Variants in RCL1 observed in about 807,000 individuals in gnomAD.
RCL1 encodes the protein RNA terminal phosphate cyclase like 1, also known as RNA 3'-terminal phosphate cyclase-like protein.
RCL1 carries 24 observed loss-of-function variants against 42.4 expected under a neutral mutation model. That is an observed-to-expected ratio of 0.57 (90% CI 0.41 to 0.80). The LOEUF (loss-of-function observed/expected upper bound fraction) is 0.80. RCL1 is among the 30% of genes least tolerant of loss of function. The probability of loss-of-function intolerance (pLI) is 0.00; values close to 1 mark genes in which losing one functional copy is unlikely to be tolerated. For missense variants in RCL1, 578 were observed against 467.9 expected (o/e 1.24, Z -2.17); for synonymous variants, 228 against 177.3 (o/e 1.29, Z -2.27).
chr9:4,793,089 C>G lies in RCL1; in HGVS notation c.-3C>G, dbSNP rs2130955885. On this transcript the variant is annotated 5_prime_UTR_variant, in exon 1 of 9. Coordinates refer to ENST00000381750, the MANE Select transcript of RCL1 (RefSeq NM_005772.5). ...TGCTCACGTCTCTTCGGAGAGCGCG[C>G]ACATGGCGACTCAGGCGCACTCCCT... 6.2e-7 allele frequency: 1 copy of G among 1,608,374 alleles called. No homozygotes were observed. Among genetic ancestry groups the G allele is most frequent in the Non-Finnish European group, 8.5e-7 (1 of 1,177,658 alleles).
At chr9:4,795,645 A>G (rs534844391) in intron 1 of RCL1, among the ~76,000 whole-genome samples, 1 of 152,292 alleles carries the variant, frequency 6.6e-6, no homozygotes, top group East Asian at 1.9e-4. Flanking sequence ...AGAGTTGGAA[A>G]AAACTCAGAG....
chr9:4,797,747 G>T (rs187377503), intron 1 of RCL1, among the ~76,000 whole-genome samples: 71 of 152,212 alleles, frequency 4.7e-4, no homozygotes, highest in Non-Finnish European at 2.8e-4. Flanking sequence ...ACACCAAGAA[G>T]ACTACACAAG....
intron 1 of RCL1, among the ~76,000 whole-genome samples, chr9:4,811,935 T>A (rs575647613): frequency 6.6e-6 from 1 of 152,244 alleles, no homozygotes; most frequent in Non-Finnish European, 1.5e-5. Flanking sequence ...TGATTTGCAT[T>A]TCCCTGATAA....
chr9:4,819,807 A>T (rs1816527912), intron 1 of RCL1, among the ~76,000 whole-genome samples: 1 of 152,206 alleles, frequency 6.6e-6, no homozygotes, highest in Non-Finnish European at 1.5e-5. Flanking sequence ...CTCCGTCTCA[A>T]AAACAAAACA....
At chr9:4,853,620 C>T (rs972259738) in intron 8 of RCL1, among the ~76,000 whole-genome samples, 3 of 152,166 alleles carry the variant, frequency 2.0e-5, no homozygotes, top group Non-Finnish European at 2.9e-5. Context: ...CGTGCCCGGC[C>T]AACCCATTGT....
chr9:4,816,766 C>G (rs1295334052), intron 1 of RCL1, among the ~76,000 whole-genome samples: 1 of 152,116 alleles, frequency 6.6e-6, no homozygotes, highest in Non-Finnish European at 1.5e-5. Flanking sequence ...CTTAACTATA[C>G]TACAATAGCC....
intron 1 of RCL1, among the ~76,000 whole-genome samples, chr9:4,811,602 C>G (rs1816178880): frequency 6.6e-6 from 1 of 152,136 alleles, no homozygotes; most frequent in Non-Finnish European, 1.5e-5. Context: ...GAATTTCGTT[C>G]TTTTTTATAG....
intron 3 of RCL1, among the ~76,000 whole-genome samples, chr9:4,832,284 G>A (rs1165727329): frequency 3.9e-5 from 6 of 152,122 alleles, no homozygotes; most frequent in Admixed American, 3.9e-4. Flanking sequence ...GCTGCTTCCT[G>A]TAGTTTGAGG....
In RCL1 at chr9:4,841,072, A is replaced by T. The variant is rs1041643481; in HGVS notation, c.585-160A>T. 2.0e-5 allele frequency: 14 copies of T among 702,828 alleles called. No homozygotes were observed. In the African/African-American group the frequency reaches 2.3e-4, roughly 12 times the overall value. The allele number at this position is 702,828 out of a possible 1,614,324, so 43.5% of individuals were successfully genotyped here. A position where few individuals can be genotyped will look rare whatever the true frequency, so the allele number is the denominator to read the frequency against. Reference sequence around the variant, plus strand: ...CATGACCTTTTATAATAATGAAAAAAATTTAATTATGGTACTAATTCAGTA... The same window carrying T: ...CATGACCTTTTATAATAATGAAAAATATTTAATTATGGTACTAATTCAGTA... On this transcript the variant is annotated intron_variant, in intron 5 of 8. Transcript: ENST00000381750.
intron 1 of RCL1, among the ~76,000 whole-genome samples, chr9:4,821,126 G>C (rs537767473): frequency 6.6e-6 from 1 of 152,326 alleles, no homozygotes; most frequent in Non-Finnish European, 1.5e-5. Context: ...GTGTGGCTAA[G>C]AGTGTGGAAC....
At chr9:4,846,176 C>T (rs1337273145) in intron 7 of RCL1, among the ~76,000 whole-genome samples, 1 of 152,074 alleles carries the variant, frequency 6.6e-6, no homozygotes, top group Non-Finnish European at 1.5e-5. Context: ...CTCATTGGTC[C>T]AAGATGGAAC....
chr9:4,850,177 T>C (rs1364183042), intron 8 of RCL1: 14 of 408,792 alleles, frequency 3.4e-5, no homozygotes, highest in African/African-American at 2.6e-4. Context: ...AACAGCCTAT[T>C]TGAGTACTGA....
intron 7 of RCL1, among the ~76,000 whole-genome samples, chr9:4,845,024 C>T (rs746527414): frequency 1.3e-4 from 20 of 152,256 alleles, no homozygotes; most frequent in East Asian, 3.9e-4. Flanking sequence ...AGTACCATCC[C>T]GGCACCCCCC....
At chr9:4,799,579 C>T (rs1180874861) in intron 1 of RCL1, among the ~76,000 whole-genome samples, 3 of 152,206 alleles carry the variant, frequency 2.0e-5, no homozygotes, top group African/African-American at 4.8e-5. Flanking sequence ...TAACCCTTGT[C>T]AGTCTCTAAT....
intron 1 of RCL1, among the ~76,000 whole-genome samples, chr9:4,806,060 GTGTT>G (rs1212143820): frequency 1.3e-5 from 2 of 150,868 alleles, no homozygotes; most frequent in African/African-American, 4.9e-5. Context: ...GTGTGTGTGT[GTGTT>G]TGTGTGTGTA....
chr9:4,860,062 A>C, intron 8 of RCL1, 63 bp from the exon 9 acceptor site: 1 of 1,175,796 alleles, frequency 8.5e-7, no homozygotes, highest in Non-Finnish European at 1.2e-6. Flanking sequence ...TCTAGGTGGT[A>C]GAGGATAATT....
At chr9:4,813,830 C>G (rs1381185312) in intron 1 of RCL1, among the ~76,000 whole-genome samples, 2 of 152,164 alleles carry the variant, frequency 1.3e-5, no homozygotes, top group Non-Finnish European at 2.9e-5. Context: ...AAATGTGGCA[C>G]ATATACACCA....
chr9:4,854,837 A>T (rs1187436626), intron 8 of RCL1, among the ~76,000 whole-genome samples: 2 of 151,846 alleles, frequency 1.3e-5, no homozygotes. Flanking sequence ...CGGGTAGATC[A>T]CGAGGTCAGG....
intron 1 of RCL1, among the ~76,000 whole-genome samples, chr9:4,795,113 T>C (rs1842893282): frequency 6.6e-6 from 1 of 152,116 alleles, no homozygotes. Context: ...AGTCTTACTC[T>C]GTCTCCCAGG....
Sources: gnomAD v4.1 joint callset for allele counts (sites outside exome capture counted in the v4.1 genomes callset) on GRCh38, gnomAD v4.1.1 for gene constraint, MANE v1.5 for transcripts, NCBI Gene and HGNC (gene_info 2026-07-23, HGNC 2026-07-21) for gene names.